Variants in COP1 observed in about 807,000 individuals in gnomAD.
The protein encoded by COP1 is E3 ubiquitin-protein ligase COP1.
In COP1, 24 loss-of-function variants were observed where a neutral mutation model predicts 101.3. That is an observed-to-expected ratio of 0.24 (90% CI 0.17 to 0.33). The LOEUF is 0.33. COP1 is among the 10% of genes least tolerant of loss of function. The pLI is 1.00. For missense variants in COP1, 663 were observed against 906.2 expected (o/e 0.73, Z 3.45); for synonymous variants, 347 against 341.9 (o/e 1.01, Z -0.17).
intron 18 of COP1, among the ~76,000 whole-genome samples, chr1:175,969,766 A>G (rs999236152): frequency 6.6e-6 from 1 of 152,158 alleles, no homozygotes; most frequent in Non-Finnish European, 1.5e-5. Flanking sequence ...GTAACCAAAG[A>G]GTAACTGGCA....
chr1:176,172,918 T>A (rs577695807), intron 3 of COP1, among the ~76,000 whole-genome samples: 1 of 152,214 alleles, frequency 6.6e-6, no homozygotes, highest in South Asian at 2.1e-4. Context: ...AAAACACAAA[T>A]AGATGTATCA....
In COP1 at chr1:175,991,298, T is replaced by G. The variant is rs189892027; in HGVS notation, c.1730-1819A>C. Among the ~76,000 whole-genome samples, 7 of 152,288 alleles carry G rather than the reference T, an allele frequency of 4.6e-5. No individual in the cohort carries two copies. The East Asian group carries it at 1.4e-3, about 29-fold the overall frequency. On this transcript the variant is annotated intron_variant, in intron 15 of 19. Transcript: ENST00000367669. Reference sequence around the variant, plus strand: ...TACAAACCTATGTATCATGTTACTGTACTGAATGCTGTAGGAAACTGTAAC... The same window carrying G: ...TACAAACCTATGTATCATGTTACTGGACTGAATGCTGTAGGAAACTGTAAC...
chr1:176,056,437 T>A (rs1339518520), intron 11 of COP1, among the ~76,000 whole-genome samples: 1 of 151,976 alleles, frequency 6.6e-6, no homozygotes, highest in Admixed American at 6.6e-5. Flanking sequence ...ACACAGGGAT[T>A]TTTTAATATA....
At chr1:176,005,598 T>C (rs1662952842) in intron 15 of COP1, among the ~76,000 whole-genome samples, 1 of 152,208 alleles carries the variant, frequency 6.6e-6, no homozygotes, top group African/African-American at 2.4e-5. Context: ...TCTGCCTTCA[T>C]TTCGTTATGT....
intron 8 of COP1, among the ~76,000 whole-genome samples, chr1:176,123,996 CG>C (rs1414861053): frequency 6.6e-6 from 1 of 152,108 alleles, no homozygotes; most frequent in Non-Finnish European, 1.5e-5. Flanking sequence ...ATTTCAAATA[CG>C]AGTCTTGGTT....
intron 1 of COP1, among the ~76,000 whole-genome samples, chr1:176,191,463 G>A (rs1383741181): frequency 6.6e-6 from 1 of 151,832 alleles, no homozygotes; most frequent in Non-Finnish European, 1.5e-5. Flanking sequence ...TTCAAAACTT[G>A]AAATTTCTCT....
At chr1:176,198,281 G>C (rs1252189267) in intron 1 of COP1, among the ~76,000 whole-genome samples, 1 of 152,106 alleles carries the variant, frequency 6.6e-6, no homozygotes, top group Non-Finnish European at 1.5e-5. Flanking sequence ...CTTGTGTAGG[G>C]ATAAACATAT....
chr1:176,004,937 C>T (rs1662726747), intron 15 of COP1, among the ~76,000 whole-genome samples: 1 of 151,596 alleles, frequency 6.6e-6, no homozygotes, highest in African/African-American at 2.4e-5. Flanking sequence ...GTACCAGTTC[C>T]TCCTTGTACC....
At chr1:175,982,011 A>C (rs182180750) in intron 18 of COP1, among the ~76,000 whole-genome samples, 1 of 152,162 alleles carries the variant, frequency 6.6e-6, no homozygotes, top group East Asian at 1.9e-4. Flanking sequence ...GTGTTAAAAA[A>C]AGATGAAAGA....
intron 15 of COP1, among the ~76,000 whole-genome samples, chr1:175,997,597 C>T (rs542837949): frequency 1.3e-5 from 2 of 152,272 alleles, no homozygotes; most frequent in East Asian, 3.9e-4. Context: ...AGGGAATGAA[C>T]AGACACTTCT....
intron 9 of COP1, among the ~76,000 whole-genome samples, chr1:176,114,299 A>G (rs990845092): frequency 6.6e-6 from 1 of 152,156 alleles, no homozygotes; most frequent in Non-Finnish European, 1.5e-5. Context: ...CAAACTTACT[A>G]CAAAAAAAGA....
chr1:176,042,654 G>T lies in COP1; in HGVS notation c.1612+532C>A, dbSNP rs184220257. Among the ~76,000 whole-genome samples the T allele has an allele frequency of 2.1e-5, 3 of 141,768 alleles. No homozygotes were observed. The East Asian group carries it at 6.5e-4, about 31-fold the overall frequency. 93.0% of individuals were successfully genotyped at this position (141,768 alleles called of 152,430 possible). A position where few individuals can be genotyped will look rare whatever the true frequency, so the allele number is the denominator to read the frequency against. On this transcript the variant is annotated intron_variant, in intron 14 of 19. Transcript: ENST00000367669. ...GCTGAGGTAGGAGAATTGCTTGAAC[G>T]CAGGAGGTGGAGGTTGCAGTGAGCC...
chr1:176,097,724 C>T (rs1682662490), intron 9 of COP1, among the ~76,000 whole-genome samples: 1 of 151,920 alleles, frequency 6.6e-6, no homozygotes, highest in South Asian at 2.1e-4. Context: ...CAAAAACTAG[C>T]TAGGTGTGGT....
At chr1:176,064,629 C>A (rs1444686164) in intron 11 of COP1, among the ~76,000 whole-genome samples, 1 of 152,046 alleles carries the variant, frequency 6.6e-6, no homozygotes, top group Non-Finnish European at 1.5e-5. Flanking sequence ...GAGCTCCATC[C>A]GCAGTGTTAC....
intron 5 of COP1, among the ~76,000 whole-genome samples, chr1:176,153,182 C>A (rs1211903510): frequency 6.6e-6 from 1 of 151,994 alleles, no homozygotes; most frequent in Admixed American, 6.6e-5. Context: ...TCACTTTGTA[C>A]AGAAGGTTGT....
rs1161844917 is a variant in COP1, at chr1:176,005,485, A to C, written c.1730-16006T>G. Among the ~76,000 whole-genome samples, 7 of 152,088 alleles carry C rather than the reference A, an allele frequency of 4.6e-5. No individual in the cohort carries two copies. In the East Asian group the frequency reaches 1.3e-3, roughly 29 times the overall value. ...ATCTTTCCTGCTTTCTCTTGTGGGC[A>C]TTTAGTGCTATAAATTTCCCTCTAC... is the stretch of plus-strand genomic sequence containing the variant. On this transcript the variant is annotated intron_variant, in intron 15 of 19. Coordinates refer to ENST00000367669, the MANE Select transcript of COP1 (RefSeq NM_022457.7).
chr1:176,037,485 T>G (rs1669775145), intron 14 of COP1, among the ~76,000 whole-genome samples: 3 of 148,494 alleles, frequency 2.0e-5, no homozygotes, highest in Admixed American at 2.0e-4. Context: ...AGCATTACCC[T>G]GATATCAAAG....
At chr1:175,995,202 A>G (rs1659826988) in intron 15 of COP1, among the ~76,000 whole-genome samples, 1 of 152,230 alleles carries the variant, frequency 6.6e-6, no homozygotes, top group Non-Finnish European at 1.5e-5. Flanking sequence ...AACAACAAGA[A>G]CAAAGACACA....
chr1:176,063,150 C>T (rs1468678288), intron 11 of COP1, among the ~76,000 whole-genome samples: 2 of 141,486 alleles, frequency 1.4e-5, no homozygotes, highest in African/African-American at 5.3e-5. Context: ...AGCTCCGCTT[C>T]CTGGGTTCAC....
Sources: gnomAD v4.1 joint callset for allele counts (sites outside exome capture counted in the v4.1 genomes callset) on GRCh38, gnomAD v4.1.1 for gene constraint, MANE v1.5 for transcripts, NCBI Gene and HGNC (gene_info 2026-07-23, HGNC 2026-07-21) for gene names.